Variants in INVS observed in about 807,000 individuals in gnomAD.
INVS encodes inversion of embryo turning homolog.
Under a neutral mutation model 108.8 loss-of-function variants are expected in INVS, and 86 were observed. The ratio of observed to expected loss-of-function variants is 0.79; its 90% CI spans 0.66 to 0.95. The LOEUF (loss-of-function observed/expected upper bound fraction) is 0.95. Ranked by LOEUF, INVS falls within the 40% of genes least tolerant of loss-of-function variation. The pLI, the probability that INVS is intolerant of heterozygous loss-of-function variation, is 0.00. For synonymous variants in INVS, 455 were observed against 473.5 expected (o/e 0.96, Z 0.51); for missense variants, 1,169 against 1,297.4 (o/e 0.90, Z 1.52).
At chr9:100,105,423 G>A (rs1401073357) in intron 2 of INVS, among the ~76,000 whole-genome samples, 1 of 152,058 alleles carries the variant, frequency 6.6e-6, no homozygotes, top group African/African-American at 2.4e-5. Flanking sequence ...TTCCCAATAA[G>A]CCATGAATTT....
At chr9:100,191,938 T>C (rs561897985) in intron 3 of INVS, among the ~76,000 whole-genome samples, 1 of 152,240 alleles carries the variant, frequency 6.6e-6, no homozygotes, top group African/African-American at 2.4e-5. Flanking sequence ...TGATTTCCGG[T>C]GTGAAGACTC....
At chr9:100,293,581 G>A (rs972992634) in intron 14 of INVS, among the ~76,000 whole-genome samples, 3 of 152,176 alleles carry the variant, frequency 2.0e-5, no homozygotes, top group African/African-American at 7.2e-5. Context: ...ATAACAGATT[G>A]AGTGACTAAA....
intron 3 of INVS, among the ~76,000 whole-genome samples, chr9:100,184,922 G>T (rs1486578482): frequency 6.6e-6 from 1 of 152,150 alleles, no homozygotes; most frequent in Non-Finnish European, 1.5e-5. Context: ...CAATTAATTT[G>T]TGATCCTTTG....
chr9:100,287,636 C>T (rs554490698), intron 13 of INVS, among the ~76,000 whole-genome samples: 1 of 152,316 alleles, frequency 6.6e-6, no homozygotes, highest in African/African-American at 2.4e-5. Flanking sequence ...CACTTCCCCG[C>T]TCGCTCATGC....
chr9:100,292,527 G>C lies in INVS; in HGVS notation c.2270G>C (p.Gly757Ala), dbSNP rs1208424866. 1.2e-6 allele frequency: 2 copies of C among 1,614,162 alleles called. No individual in the cohort carries two copies. Among genetic ancestry groups the C allele is most frequent in the Non-Finnish European group, 1.7e-6 (2 of 1,180,030 alleles). The change falls in exon 14 of 17, where the codon GGA (glycine) becomes GCA (alanine). Residue 757 changes from glycine to alanine, a missense_variant. Coordinates refer to ENST00000262457, the MANE Select transcript of INVS (RefSeq NM_014425.5). ...AGGGTGGCTGGGCCTGATGAGAAAG[G>C]AGAGGACTCCAGGCGGGCAGCTGCA... ...CIRVAGPDEK[G>A]EDSRRAAASL...
intron 2 of INVS, among the ~76,000 whole-genome samples, chr9:100,119,811 G>T (rs1827669290): frequency 6.6e-6 from 1 of 152,110 alleles, no homozygotes; most frequent in South Asian, 2.1e-4. Flanking sequence ...GCCCACCTCG[G>T]CCTCCCAAAG....
At chr9:100,116,396 C>T (rs1221674997) in intron 2 of INVS, among the ~76,000 whole-genome samples, 2 of 152,104 alleles carry the variant, frequency 1.3e-5, no homozygotes, top group Non-Finnish European at 2.9e-5. Flanking sequence ...GGTGTGAGCA[C>T]TGCACCCAGC....
At chr9:100,180,391 TAAA>T (rs1829853820) in intron 3 of INVS, among the ~76,000 whole-genome samples, 1 of 141,262 alleles carries the variant, frequency 7.1e-6, no homozygotes. Flanking sequence ...CCCAGACTAA[TAAA>T]GAAGAAAAGA....
At chr9:100,117,836 T>TA (rs1827594111) in intron 2 of INVS, among the ~76,000 whole-genome samples, 1 of 152,092 alleles carries the variant, frequency 6.6e-6, no homozygotes, top group South Asian at 2.1e-4. Context: ...GGAGATAATT[T>TA]AAGTCATGAG....
intron 3 of INVS, among the ~76,000 whole-genome samples, chr9:100,214,153 G>T (rs190394285): frequency 1.6e-4 from 25 of 152,264 alleles, no homozygotes; most frequent in African/African-American, 5.5e-4. Flanking sequence ...TATCAACTAT[G>T]TCCCTCAGTA....
At chr9:100,249,325 T>C (rs529640124) in intron 8 of INVS, among the ~76,000 whole-genome samples, 4 of 152,200 alleles carry the variant, frequency 2.6e-5, no homozygotes, top group African/African-American at 9.6e-5. Flanking sequence ...TAAGGTGACT[T>C]CTAATTCTGA....
Position 100,301,139 on chromosome 9 carries a change from T to TCTCTCACACACACACA in INVS, c.*466_*467insTCTCACACACACACAC, listed in dbSNP as rs200314659. On this transcript the variant is annotated 3_prime_UTR_variant, in exon 17 of 17. Coordinates refer to ENST00000262457, the MANE Select transcript of INVS (RefSeq NM_014425.5). Reference sequence around the variant, plus strand: ...CCTGGCATCTAATGCAACAAACTTATCACACACACACACACACACACACAC... The same window carrying TCTCTCACACACACACA: ...CCTGGCATCTAATGCAACAAACTTATCTCTCACACACACACACACACACACACACACACACACACAC... The TCTCTCACACACACACA allele has an allele frequency of 1.2e-5, 2 of 167,484 alleles. No individual in the cohort carries two copies. Among genetic ancestry groups the TCTCTCACACACACACA allele is most frequent in the African/African-American group, 7.2e-5 (2 of 27,638 alleles). 10.4% of individuals were successfully genotyped at this position (167,484 alleles called of 1,614,324 possible). A position where few individuals can be genotyped will look rare whatever the true frequency, so the allele number is the denominator to read the frequency against.
In INVS at chr9:100,240,220, T is replaced by C; in HGVS notation, c.776T>C (p.Leu259Pro). ...TATGATAACTTATTTCGAACCCCAC[T>C]GCACTGGGCAGCTTTATTAGGTACG... The part of the protein sequence containing the change: ...TSYDNLFRTP[L>P]HWAALLGHAQ... The change falls in exon 6 of 17, where the codon CTG becomes CCG. Residue 259 changes from leucine (L) to proline (P), a missense_variant. By Grantham distance (98) the Leu-to-Pro change is moderately conservative. Around this residue, in one of 3 missense-constraint regions of INVS, gnomAD observed 365 missense variants for 397.5 expected, o/e 0.92. Transcript: ENST00000262457. The C allele has an allele frequency of 1.2e-6, 2 of 1,613,874 alleles. No individual in the cohort carries two copies. Among genetic ancestry groups the C allele is most frequent in the Non-Finnish European group, 8.5e-7 (1 of 1,179,830 alleles).
chr9:100,171,511 A>G (rs1438096345), intron 3 of INVS, among the ~76,000 whole-genome samples: 3 of 152,208 alleles, frequency 2.0e-5, no homozygotes, highest in Non-Finnish European at 2.9e-5. Context: ...ATATGTATGT[A>G]TTATTGACTA....
intron 12 of INVS, among the ~76,000 whole-genome samples, chr9:100,277,934 G>A (rs960834994): frequency 5.3e-5 from 8 of 152,014 alleles, no homozygotes; most frequent in African/African-American, 1.5e-4. Flanking sequence ...CTCCACAATC[G>A]TATATAAGGA....
At chr9:100,267,343 T>C (rs1832827547) in intron 11 of INVS, among the ~76,000 whole-genome samples, 1 of 152,216 alleles carries the variant, frequency 6.6e-6, no homozygotes, top group Admixed American at 6.5e-5. Flanking sequence ...AATAACTCAG[T>C]CTTTGTTAAT....
At chr9:100,287,313 C>G (rs1564191319) in intron 13 of INVS, among the ~76,000 whole-genome samples, 1 of 152,184 alleles carries the variant, frequency 6.6e-6, no homozygotes, top group East Asian at 1.9e-4. Flanking sequence ...GAAATAGACT[C>G]TAGAATTTGC....
chr9:100,110,694 T>C (rs1414083512), intron 2 of INVS, among the ~76,000 whole-genome samples: 1 of 152,210 alleles, frequency 6.6e-6, no homozygotes, highest in Non-Finnish European at 1.5e-5. Flanking sequence ...ACCAGTTATA[T>C]TGAAATATCA....
At chr9:100,239,799 C>T (rs950942409) in intron 5 of INVS, among the ~76,000 whole-genome samples, 1 of 151,988 alleles carries the variant, frequency 6.6e-6, no homozygotes, top group East Asian at 1.9e-4. Flanking sequence ...TGGCAATACC[C>T]CATCTCTACA....
Sources: allele counts gnomAD v4.1 joint callset (sites outside exome capture counted in the v4.1 genomes callset), GRCh38; gene constraint gnomAD v4.1.1; regional missense constraint gnomAD v4.1.1; transcripts MANE v1.5; gene names NCBI Gene and HGNC (gene_info 2026-07-23, HGNC 2026-07-21).